LINGO3: variants seen among roughly 807,000 people sequenced by gnomAD.
The protein encoded by LINGO3 is leucine rich repeat and Ig domain containing 3.
For synonymous variants in LINGO3, 427 were observed against 444.2 expected (o/e 0.96, Z 0.49); for missense variants, 750 against 867.7 (o/e 0.86, Z 1.70).
At chr19:2,292,399 CAAAAAAAA>C (rs1156254881), upstream of LINGO3, among the ~76,000 whole-genome samples, 7 of 42,592 alleles carry the variant, frequency 1.6e-4, no homozygotes, top group East Asian at 7.1e-4. Context: ...AACCCTGTCT[CAAAAAAAA>C]AAAAAAAAAA....
Position 2,291,831 on chromosome 19 carries a change from G to A in LINGO3, c.-55C>T, listed in dbSNP as rs1450825232. ...ACCATCCTCCTGCGCACCTGCGGGC[G>A]GGCGGGGAGCGGGCAGCGTTAGCAC... On this transcript the variant is annotated 5_prime_UTR_variant, in exon 1 of 1. Transcript: ENST00000585527. 1 of 1,424,792 alleles carries A rather than the reference G, an allele frequency of 7.0e-7. No individual in the cohort carries two copies. Among genetic ancestry groups the A allele is most frequent in the South Asian group, 1.2e-5 (1 of 81,422 alleles). 88.3% of individuals were successfully genotyped at this position (1,424,792 alleles called of 1,614,324 possible).
upstream of LINGO3, among the ~76,000 whole-genome samples, chr19:2,295,577 A>C (rs1197146055): frequency 1.3e-5 from 2 of 152,140 alleles, no homozygotes; most frequent in Admixed American, 6.6e-5. Context: ...TCTACTAAAA[A>C]ATACAAAAAC....
chr19:2,300,045 T>TTTA, the LINGO3 span, among the ~76,000 whole-genome samples: 2 of 146,788 alleles, frequency 1.4e-5, no homozygotes, highest in East Asian at 2.0e-4. Context: ...TTTTTTTTTT[T>TTTA]ATTGAGTCGG....
At chr19:2,291,329 G>C (rs1476735685) in exon 1 of LINGO3, 1 of 1,613,040 alleles carries the variant, frequency 6.2e-7, no homozygotes, top group Non-Finnish European at 8.5e-7. Flanking sequence ...CGCAGGCTGT[G>C]CAGGTCCTGG....
the LINGO3 span, among the ~76,000 whole-genome samples, chr19:2,307,764 T>C: frequency 4.0e-5 from 6 of 151,698 alleles, no homozygotes; most frequent in African/African-American, 1.5e-4. Flanking sequence ...CTTCATCTCC[T>C]CCTGGAGAGG....
chr19:2,301,596 C>T, the LINGO3 span, among the ~76,000 whole-genome samples: 15 of 152,194 alleles, frequency 9.9e-5, no homozygotes, highest in East Asian at 1.4e-3. Context: ...CGGACGGCGA[C>T]GTGCTCAGGG....
At chr19:2,289,009 T>C (rs1037828913), downstream of LINGO3, among the ~76,000 whole-genome samples, 5 of 145,876 alleles carry the variant, frequency 3.4e-5, no homozygotes, top group Non-Finnish European at 7.5e-5. Context: ...CAGATGTGAG[T>C]TCTGTGTTCT....
the LINGO3 span, among the ~76,000 whole-genome samples, chr19:2,307,280 T>TG: frequency 2.0e-5 from 3 of 152,162 alleles, no homozygotes; most frequent in African/African-American, 7.2e-5. Context: ...TCCTCAGAAC[T>TG]GGGGGGGCCG....
At chr19:2,296,924 T>TA (rs932802927), upstream of LINGO3, among the ~76,000 whole-genome samples, 2 of 151,562 alleles carry the variant, frequency 1.3e-5, no homozygotes, top group South Asian at 2.1e-4. Flanking sequence ...CCGTCTCTAC[T>TA]AAAAAAACAT....
At chr19:2,293,760 C>T (rs1390001964), upstream of LINGO3, among the ~76,000 whole-genome samples, 3 of 149,558 alleles carry the variant, frequency 2.0e-5, no homozygotes, top group Non-Finnish European at 4.5e-5. Flanking sequence ...TGTGTTCCCG[C>T]AAATGTTCAA....
At chr19:2,292,153 A>C (rs1336162339), upstream of LINGO3, 1 of 278,484 alleles carries the variant, frequency 3.6e-6, no homozygotes, top group Non-Finnish European at 7.0e-6. Context: ...GTGCCACTGC[A>C]CTCCAGCCTG....
In LINGO3 at chr19:2,290,647, G is replaced by A. The variant is rs868316986; in HGVS notation, c.1130C>T (p.Pro377Leu). The stretch of plus-strand genomic sequence containing the variant: ...CACCTCGGCCGGGGTGGCGCAGGCC[G>A]GCAGCCGCCCGTCGAAGTTGAGGGT... Residue 377 changes from proline (P) to leucine (L), a missense_variant, in exon 1 of 1, where the codon CCG becomes CTG. Coordinates refer to ENST00000585527, the Ensembl canonical transcript of LINGO3. The surrounding 1 kb of genome is among the most constrained non-coding windows in gnomAD (Gnocchi z 6.0). 1.9e-6 allele frequency: 3 copies of A among 1,601,604 alleles called. No individual in the cohort carries two copies. The highest frequency in any genetic ancestry group is 2.3e-5 in the East Asian group (1 of 44,440).
chr19:2,304,116 C>T, the LINGO3 span, among the ~76,000 whole-genome samples: 3 of 152,216 alleles, frequency 2.0e-5, no homozygotes, highest in Non-Finnish European at 4.4e-5. Flanking sequence ...ATGTGTTCAC[C>T]TCATTCATTC....
the LINGO3 span, among the ~76,000 whole-genome samples, chr19:2,301,043 C>G: frequency 6.6e-6 from 1 of 152,008 alleles, no homozygotes; most frequent in African/African-American, 2.4e-5. Context: ...GGTTCAGACC[C>G]TCTGGGTTAG....
the LINGO3 span, among the ~76,000 whole-genome samples, chr19:2,304,138 A>T: frequency 1.3e-5 from 2 of 152,232 alleles, no homozygotes; most frequent in South Asian, 4.1e-4. Flanking sequence ...TTCAACAAAC[A>T]TTCATTCAAC....
At chr19:2,289,993 A>C (rs1353613028) in exon 1 of LINGO3, 1 of 1,511,682 alleles carries the variant, frequency 6.6e-7, no homozygotes, top group Non-Finnish European at 8.9e-7. Context: ...CGCCCTGGGG[A>C]CCCCTCAGAT....
exon 1 of LINGO3, chr19:2,291,613 T>G: frequency 6.7e-7 from 1 of 1,489,762 alleles, no homozygotes; most frequent in South Asian, 1.3e-5. Context: ...CAGGCGGGTC[T>G]CGGCCGGGAT....
chr19:2,300,801 G>T, the LINGO3 span, among the ~76,000 whole-genome samples: 3 of 152,138 alleles, frequency 2.0e-5, no homozygotes, highest in African/African-American at 7.2e-5. Context: ...TCTGGCATTG[G>T]TGTCCCCAGC....
upstream of LINGO3, among the ~76,000 whole-genome samples, chr19:2,293,858 G>T (rs1423256099): frequency 6.6e-6 from 1 of 151,830 alleles, no homozygotes; most frequent in East Asian, 2.0e-4. Flanking sequence ...TTCGAGACCA[G>T]CCTGGGCAAC....
Sources: gnomAD v4.1 joint callset for allele counts (sites outside exome capture counted in the v4.1 genomes callset) on GRCh38, gnomAD v4.1.1 for gene constraint, Gnocchi (gnomAD v3.1) non-coding constraint, MANE v1.5 for transcripts, NCBI Gene and HGNC (gene_info 2026-07-23, HGNC 2026-07-21) for gene names.